Variants in CD5L observed in about 807,000 individuals in gnomAD.
CD5L encodes the protein CD5 molecule like.
A neutral mutation model predicts 40.8 loss-of-function variants in CD5L; 39 were observed. That is an observed-to-expected ratio of 0.96 (90% CI 0.74 to 1.25). CD5L has a LOEUF of 1.25. Ranked by LOEUF, CD5L falls within the 50% of genes most tolerant of loss-of-function variation. The pLI is 0.00. For missense variants in CD5L, 433 were observed against 435.9 expected (o/e 0.99, Z 0.06); for synonymous variants, 192 against 169.6 (o/e 1.13, Z -1.03).
rs749047936 is a variant in CD5L, at chr1:157,836,078, A to G, written c.133T>C (p.Trp45Arg). The change falls in exon 3 of 6, where the codon TGG becomes CGG. Residue 45 changes from tryptophan (W) to arginine (R), a missense_variant. Trp to Arg is a moderately radical substitution (Grantham distance 101). Coordinates refer to ENST00000368174, the MANE Select transcript of CD5L (RefSeq NM_005894.3). ...CAGCCGTCATCACACACGGTGCCCCACTGGCCTTTCTGTTCCACCTCCACC... is the reference window on the plus strand; with the variant it reads ...CAGCCGTCATCACACACGGTGCCCCGCTGGCCTTTCTGTTCCACCTCCACC... ...GRVEVEQKGQ[W>R]GTVCDDGWDI... 1.9e-6 allele frequency: 3 copies of G among 1,613,916 alleles called. No individual in the cohort carries two copies. Among genetic ancestry groups the G allele is most frequent in the South Asian group, 1.1e-5 (1 of 91,082 alleles).
downstream of CD5L, among the ~76,000 whole-genome samples, chr1:157,827,521 A>G (rs1315880428): frequency 6.6e-6 from 1 of 152,186 alleles, no homozygotes; most frequent in African/African-American, 2.4e-5. Flanking sequence ...GGGCAGAAGA[A>G]GATCAGTGTT....
At chr1:157,835,226 A>C (rs1226079816) in intron 3 of CD5L, among the ~76,000 whole-genome samples, 1 of 152,252 alleles carries the variant, frequency 6.6e-6, no homozygotes, top group Non-Finnish European at 1.5e-5. Flanking sequence ...TTCTGTGGGC[A>C]GACAAAGAGG....
intron 5 of CD5L, among the ~76,000 whole-genome samples, chr1:157,832,954 C>T (rs967666974): frequency 6.6e-6 from 1 of 152,104 alleles, no homozygotes; most frequent in African/African-American, 2.4e-5. Flanking sequence ...CCTGTATGTT[C>T]TCACGATCAA....
rs747471540 is a variant in CD5L, at chr1:157,834,611, C to T, written c.514G>A (p.Ala172Thr). 9 of 1,614,068 alleles carry T rather than the reference C, an allele frequency of 5.6e-6. No homozygotes were observed. In the African/African-American group the frequency reaches 6.7e-5, roughly 12 times the overall value. The change falls in exon 4 of 6, where the codon GCA (alanine) becomes ACA (threonine). Residue 172 changes from alanine (A) to threonine (T), a missense_variant. Physicochemically the swap from Ala to Thr is moderately conservative, Grantham distance 58. Transcript: ENST00000368174. Reference sequence around the variant, plus strand: ...CCCAGCTGCCGGCACACCACCTTTGCGGCCCGGAGGCTCCAGCCTGTCTGG... The same window carrying T: ...CCCAGCTGCCGGCACACCACCTTTGTGGCCCGGAGGCTCCAGCCTGTCTGG... ...VCQTGWSLRA[A>T]KVVCRQLGCG...
intron 1 of CD5L, among the ~76,000 whole-genome samples, chr1:157,840,250 C>A (rs1656332520): frequency 1.3e-5 from 2 of 152,100 alleles, no homozygotes; most frequent in Admixed American, 1.3e-4. Context: ...ATGGGGGTTT[C>A]TTCCTGCAGG....
rs143998261 is a variant in CD5L at position 157,841,592 on chromosome 1, C to T, written c.28+82G>A. 822 of 1,195,042 alleles carry T rather than the reference C, an allele frequency of 6.9e-4. 5 individuals carry two copies. In the African/African-American group the frequency reaches 0.011, roughly 17 times the overall value. 74.0% of individuals were successfully genotyped at this position (1,195,042 alleles called of 1,614,324 possible). A position where few individuals can be genotyped will look rare whatever the true frequency, so the allele number is the denominator to read the frequency against. On this transcript the variant is annotated intron_variant, in intron 1 of 5. Transcript: ENST00000368174. The stretch of plus-strand genomic sequence containing the variant: ...TCCTTGAAAAACATCTAAATCTGTT[C>T]CAGGTTGGCGGGGAGAAAGTTCTCC...
chr1:157,833,328 A>G lies in CD5L; in HGVS notation c.903T>C (p.Tyr301=), dbSNP rs536519544. ...GCCAGATGCGGCCAACCCCAGGGCC[A>G]TAGCATTTCCGGTCTCTGAAGGAGG... is the stretch of plus-strand genomic sequence containing the variant. ...LSPSFRDRKC[Y]GPGVGRIWLD... The change falls in exon 5 of 6, where the codon TAT becomes TAC. Residue 301 remains tyrosine (Y), a synonymous_variant. Transcript: ENST00000368174. The G allele has an allele frequency of 6.2e-7, 1 of 1,614,182 alleles. No individual in the cohort carries two copies. The highest frequency in any genetic ancestry group is 1.3e-5 in the African/African-American group (1 of 75,046).
In CD5L at chr1:157,835,837, T is replaced by A. The variant is rs1656195994; in HGVS notation, c.374A>T (p.Glu125Val). Residue 125 changes from glutamate to valine, a missense_variant and splice_region_variant, in exon 3 of 6, where the codon GAG (glutamate) becomes GTG (valine). Transcript: ENST00000368174. The stretch of plus-strand genomic sequence containing the variant: ...TCCGGGACCCCTGCCATACTCACTC[T>A]CACACGATGCCCCAGCATCTTCATC... ...SHDEDAGASCENPESSFSPVP... is the reference protein window; with the variant it reads ...SHDEDAGASCVNPESSFSPVP... 6.2e-7 allele frequency: 1 copy of A among 1,608,802 alleles called. No homozygotes were observed. The highest frequency in any genetic ancestry group is 1.3e-5 in the African/African-American group (1 of 74,896).
In CD5L at chr1:157,833,862, C is replaced by T. The variant is rs1489930237; in HGVS notation, c.719-350G>A. 5.3e-5 allele frequency among the ~76,000 whole-genome samples: 8 copies of T among 151,190 alleles called. No individual in the cohort carries two copies. The East Asian group carries it at 7.8e-4, about 15-fold the overall frequency. On this transcript the variant is annotated intron_variant, in intron 4 of 5. Transcript: ENST00000368174. Reference sequence around the variant, plus strand: ...TTGGGCTCAAGTGCTCCTCCCACCTCGGCTTCCCATAGTGCTGGTATTATA... The same window carrying T: ...TTGGGCTCAAGTGCTCCTCCCACCTTGGCTTCCCATAGTGCTGGTATTATA...
chr1:157,841,678 G>T lies in CD5L; in HGVS notation c.24C>A (p.Ile8=). The T allele has an allele frequency of 6.2e-7, 1 of 1,613,138 alleles. No homozygotes were observed. Among genetic ancestry groups the T allele is most frequent in the Non-Finnish European group, 8.5e-7 (1 of 1,179,624 alleles). Residue 8 remains isoleucine, a synonymous_variant, in exon 1 of 6, where the codon ATC becomes ATA. Transcript: ENST00000368174. The part of the protein sequence containing the change: MALLFSL[I]LAICTRPGFL... ...AACAGGTGCAGAGATACTCACCAAG[G>T]ATCAAGGAGAATAGCAGAGCCATGA...
intron 1 of CD5L, among the ~76,000 whole-genome samples, chr1:157,839,702 G>T (rs1656313620): frequency 1.1e-5 from 1 of 89,150 alleles, no homozygotes. Context: ...AGATTGATTG[G>T]TTGTTACTGC....
In CD5L at chr1:157,834,701, C is replaced by G. The variant is rs746094563; in HGVS notation, c.424G>C (p.Asp142His). 33 of 1,614,066 alleles carry G rather than the reference C, an allele frequency of 2.0e-5. No individual in the cohort carries two copies. Among genetic ancestry groups the G allele is most frequent in the Non-Finnish European group, 2.7e-5 (32 of 1,180,038 alleles). Reference sequence around the variant, plus strand: ...CGTCCCTTGCAATGCCCAGGGCCGTCAGCCAGCCTGACACCCTCTGGGACT... The same window carrying G: ...CGTCCCTTGCAATGCCCAGGGCCGTGAGCCAGCCTGACACCCTCTGGGACT... ...SPVPEGVRLADGPGHCKGRVE... is the reference protein window; with the variant it reads ...SPVPEGVRLAHGPGHCKGRVE... Residue 142 changes from aspartate (D) to histidine (H), a missense_variant, in exon 4 of 6, where the codon GAC becomes CAC. By Grantham distance (81) the Asp-to-His change is moderately conservative (BLOSUM62 -1). Transcript: ENST00000368174.
At chr1:157,838,479 C>A (rs1656279411) in intron 2 of CD5L, among the ~76,000 whole-genome samples, 1 of 151,594 alleles carries the variant, frequency 6.6e-6, no homozygotes, top group South Asian at 2.1e-4. Context: ...TTGCTGATTG[C>A]AAAATTCTCA....
Position 157,833,369 on chromosome 1 carries a change from C to T in CD5L, c.862G>A (p.Gly288Arg), listed in dbSNP as rs780866786. 1.2e-6 allele frequency: 2 copies of T among 1,614,152 alleles called. No individual in the cohort carries two copies. Among genetic ancestry groups the T allele is most frequent in the Admixed American group, 3.3e-5 (2 of 60,024 alleles). Residue 288 changes from glycine (G) to arginine (R), a missense_variant, in exon 5 of 6, where the codon GGG becomes AGG. By Grantham distance (125) the Gly-to-Arg change is moderately radical (BLOSUM62 -2). Coordinates refer to ENST00000368174, the MANE Select transcript of CD5L (RefSeq NM_005894.3). ...CTGAAGGAGGGAGAGAGGGACTTCC[C>T]ACAGCCCAGTTGCTTGCATACCACC... ...DQVVCKQLGC[G>R]KSLSPSFRDR... is the part of the protein sequence containing the mutation.
chr1:157,834,735 A>G lies in CD5L; in HGVS notation c.390T>C (p.Ser130=). Residue 130 remains serine (S), a synonymous_variant, in exon 4 of 6, where the codon TCT becomes TCC. Coordinates refer to ENST00000368174, the MANE Select transcript of CD5L (RefSeq NM_005894.3). ...TGACACCCTCTGGGACTGGGGAGAAAGAGCTCTCTGGGTCTGAGGGGAAAG... is the reference window on the plus strand; with the variant it reads ...TGACACCCTCTGGGACTGGGGAGAAGGAGCTCTCTGGGTCTGAGGGGAAAG... ...AGASCENPES[S]FSPVPEGVRL... is the part of the protein sequence containing the mutation. 6.2e-7 allele frequency: 1 copy of G among 1,613,208 alleles called. No homozygotes were observed. The highest frequency in any genetic ancestry group is 8.5e-7 in the Non-Finnish European group (1 of 1,179,214).
At position 157,841,697 on chromosome 1, in the gene CD5L, G is replaced by A. The variant is rs1293057683; in HGVS notation, c.5C>T (p.Ala2Val). 1 of 1,613,180 alleles carries A rather than the reference G, an allele frequency of 6.2e-7. No homozygotes were observed. Among genetic ancestry groups the A allele is most frequent in the Non-Finnish European group, 8.5e-7 (1 of 1,179,678 alleles). ...ACCAAGGATCAAGGAGAATAGCAGA[G>A]CCATGACCAAGGCAGGTGAAGGTGA... is the stretch of plus-strand genomic sequence containing the variant. MALLFSLILAIC... is the reference protein window; with the variant it reads MVLLFSLILAIC... The change falls in exon 1 of 6, where the codon GCT (alanine) becomes GTT (valine). Residue 2 changes from alanine (A) to valine (V), a missense_variant. By Grantham distance (64) the Ala-to-Val change is moderately conservative (BLOSUM62 0). Transcript: ENST00000368174.
downstream of CD5L, among the ~76,000 whole-genome samples, chr1:157,828,168 A>G (rs1217046323): frequency 3.3e-5 from 5 of 152,266 alleles, no homozygotes; most frequent in East Asian, 9.7e-4. Context: ...CTTGAGTCTC[A>G]TATCCTTGCA....
chr1:157,827,610 T>C (rs958742314), downstream of CD5L, among the ~76,000 whole-genome samples: 1 of 152,202 alleles, frequency 6.6e-6, no homozygotes, highest in African/African-American at 2.4e-5. Context: ...ACAGATTAGA[T>C]GATGCCCACC....
At chr1:157,828,337 G>A (rs142052278), downstream of CD5L, among the ~76,000 whole-genome samples, 1,050 of 152,206 alleles carry the variant, frequency 6.9e-3, 10 homozygotes, top group African/African-American at 0.024. Context: ...TCTTCATTTG[G>A]TTTTAAAGAT....
Sources: gnomAD v4.1 joint callset for allele counts (sites outside exome capture counted in the v4.1 genomes callset) on GRCh38, gnomAD v4.1.1 for gene constraint, MANE v1.5 for transcripts, NCBI Gene and HGNC (gene_info 2026-07-23, HGNC 2026-07-21) for gene names.